The following ASTN2 variants were observed in gnomAD, a reference collection of about 807,000 sequenced individuals.
The protein encoded by ASTN2 is astrotactin-2.
Under a neutral mutation model 139.8 loss-of-function variants are expected in ASTN2, and 54 were observed. The ratio of observed to expected loss-of-function variants is 0.39; its 90% confidence interval spans 0.31 to 0.48. ASTN2 has a LOEUF of 0.48. Ranked by LOEUF, ASTN2 falls within the 20% of genes least tolerant of loss-of-function variation. ASTN2 has a pLI of 0.95. For missense variants in ASTN2, 1,565 were observed against 1,725.1 expected (o/e 0.91, Z 1.64); for synonymous variants, 756 against 719.5 (o/e 1.05, Z -0.81).
chr9:116,618,871 G>C (rs552132777), intron 18 of ASTN2, among the ~76,000 whole-genome samples: 2 of 152,106 alleles, frequency 1.3e-5, no homozygotes, highest in East Asian at 3.9e-4. Context: ...CAATGTACTA[G>C]CTAACTTTTT....
rs1369288624 is a variant in ASTN2, at chr9:116,943,818, T to C, written c.1889+31390A>G. Among the ~76,000 whole-genome samples the C allele has an allele frequency of 7.2e-5, 11 of 152,334 alleles. 1 individual carries two copies. In the East Asian group the frequency reaches 2.1e-3, roughly 29 times the overall value. ...ATTCTGTTTCTTTCCATTCTATCTTTTTCCATATTATCCCATCCCACAAGA... is the reference window on the plus strand; with the variant it reads ...ATTCTGTTTCTTTCCATTCTATCTTCTTCCATATTATCCCATCCCACAAGA... On this transcript the variant is annotated intron_variant, in intron 10 of 22. Coordinates refer to ENST00000313400, the MANE Select transcript of ASTN2 (RefSeq NM_001365068.1).
At chr9:116,987,805 G>C (rs1836729187) in intron 7 of ASTN2, among the ~76,000 whole-genome samples, 1 of 152,010 alleles carries the variant, frequency 6.6e-6, no homozygotes, top group Admixed American at 6.6e-5. Flanking sequence ...TTGCACTTGG[G>C]GCCATAATTA....
chr9:116,800,264 T>G (rs1830809814), intron 13 of ASTN2, among the ~76,000 whole-genome samples: 1 of 152,150 alleles, frequency 6.6e-6, no homozygotes, highest in Non-Finnish European at 1.5e-5. Flanking sequence ...TGCTGTTCCC[T>G]CCTGCTGTGA....
intron 13 of ASTN2, among the ~76,000 whole-genome samples, chr9:116,763,203 T>C (rs1208586421): frequency 1.3e-5 from 2 of 152,218 alleles, no homozygotes; most frequent in African/African-American, 2.4e-5. Flanking sequence ...CTATGCAATG[T>C]TTAGCATGTC....
chr9:116,503,935 T>C (rs941683809), intron 19 of ASTN2, among the ~76,000 whole-genome samples: 6 of 152,120 alleles, frequency 3.9e-5, no homozygotes, highest in Admixed American at 1.3e-4. Flanking sequence ...ACAGTCCATA[T>C]CACAGTTCTG....
intron 5 of ASTN2, among the ~76,000 whole-genome samples, chr9:117,081,487 T>G (rs1828426683): frequency 6.6e-6 from 1 of 152,202 alleles, no homozygotes; most frequent in Non-Finnish European, 1.5e-5. Flanking sequence ...CCCTGCACAC[T>G]GTCTGTATAC....
intron 3 of ASTN2, among the ~76,000 whole-genome samples, chr9:117,205,475 A>C (rs1230370717): frequency 2.0e-5 from 3 of 152,172 alleles, no homozygotes; most frequent in Non-Finnish European, 4.4e-5. Context: ...ACTATAAGTA[A>C]ATGGGACAAG....
chr9:117,104,334 T>A (rs1343625554), intron 4 of ASTN2, among the ~76,000 whole-genome samples: 1 of 152,008 alleles, frequency 6.6e-6, no homozygotes, highest in Non-Finnish European at 1.5e-5. Context: ...GTGACATAGA[T>A]CTAAATTATA....
At chr9:116,809,151 G>C (rs1253235067) in intron 12 of ASTN2, among the ~76,000 whole-genome samples, 1 of 151,726 alleles carries the variant, frequency 6.6e-6, no homozygotes, top group Non-Finnish European at 1.5e-5. Flanking sequence ...TCTGAAATTT[G>C]TGCAATGTTT....
intron 19 of ASTN2, among the ~76,000 whole-genome samples, chr9:116,539,997 T>C (rs972534761): frequency 1.3e-5 from 2 of 152,200 alleles, no homozygotes; most frequent in Non-Finnish European, 2.9e-5. Flanking sequence ...TTTCTTTGCT[T>C]TATAAATGGC....
chr9:117,265,396 G>C (rs1430544044), intron 2 of ASTN2, among the ~76,000 whole-genome samples: 2 of 152,154 alleles, frequency 1.3e-5, no homozygotes, highest in Non-Finnish European at 2.9e-5. Context: ...TAAGGACTGT[G>C]CTTGAAGGTC....
chr9:116,545,344 C>A (rs981274296), intron 19 of ASTN2, among the ~76,000 whole-genome samples: 1 of 152,236 alleles, frequency 6.6e-6, no homozygotes, highest in Non-Finnish European at 1.5e-5. Context: ...GGAGTCTCCA[C>A]ATGTACCCAC....
At chr9:116,994,341 C>A (rs1207066301) in intron 7 of ASTN2, among the ~76,000 whole-genome samples, 1 of 152,158 alleles carries the variant, frequency 6.6e-6, no homozygotes, top group Non-Finnish European at 1.5e-5. Context: ...CTGACTCCTG[C>A]ACTGGACTAA....
intron 2 of ASTN2, among the ~76,000 whole-genome samples, chr9:117,254,412 A>G (rs1833626027): frequency 6.6e-6 from 1 of 152,286 alleles, no homozygotes; most frequent in African/African-American, 2.4e-5. Context: ...TGTAAAGACT[A>G]CTACAACCCA....
intron 1 of ASTN2, among the ~76,000 whole-genome samples, chr9:117,399,478 T>G (rs565059258): frequency 6.6e-6 from 1 of 152,184 alleles, no homozygotes; most frequent in African/African-American, 2.4e-5. Flanking sequence ...TTCCAAGTAT[T>G]GAACCAGAGA....
At chr9:117,088,739 C>T (rs1587949956) in intron 5 of ASTN2, among the ~76,000 whole-genome samples, 2 of 152,150 alleles carry the variant, frequency 1.3e-5, no homozygotes, top group Admixed American at 1.3e-4. Context: ...AGGAAAGTAC[C>T]TGAGATTGGG....
chr9:116,790,975 GAAA>G (rs1830524235), intron 13 of ASTN2, among the ~76,000 whole-genome samples: 4 of 30,190 alleles, frequency 1.3e-4, no homozygotes, highest in African/African-American at 4.8e-4. Flanking sequence ...AGGAAAGAAA[GAAA>G]GAAAGAAAGA....
chr9:116,782,004 C>T (rs1830231647), intron 13 of ASTN2, among the ~76,000 whole-genome samples: 1 of 152,132 alleles, frequency 6.6e-6, no homozygotes, highest in Admixed American at 6.5e-5. Context: ...GGTCTAACTC[C>T]AAAACCCATA....
intron 10 of ASTN2, among the ~76,000 whole-genome samples, chr9:116,885,006 A>G (rs976134804): frequency 1.7e-4 from 26 of 151,982 alleles, no homozygotes; most frequent in African/African-American, 5.1e-4. Context: ...TAGTAGAGAC[A>G]GGGTTTCACA....
Sources: allele counts gnomAD v4.1 joint callset (sites outside exome capture counted in the v4.1 genomes callset), GRCh38; gene constraint gnomAD v4.1.1; transcripts MANE v1.5; gene names NCBI Gene and HGNC (gene_info 2026-07-23, HGNC 2026-07-21).